Variants in CCDC68 observed in about 807,000 individuals in gnomAD.
The protein encoded by CCDC68 is coiled-coil domain containing 68, also known as coiled-coil domain-containing protein 68.
A neutral mutation model predicts 47.1 loss-of-function variants in CCDC68; 45 were observed. That is an observed-to-expected ratio of 0.96 (90% confidence interval 0.75 to 1.23). The LOEUF (loss-of-function observed/expected upper bound fraction) is 1.23. Among genes scored for constraint, CCDC68 ranks in the 50% most tolerant of loss-of-function variants. CCDC68 has a pLI of 0.00. For missense variants in CCDC68, 353 were observed against 373.6 expected (o/e 0.94, Z 0.45); for synonymous variants, 131 against 129.5 (o/e 1.01, Z -0.08).
intron 11 of CCDC68, among the ~76,000 whole-genome samples, chr18:54,906,368 T>G (rs947784288): frequency 2.6e-5 from 4 of 152,194 alleles, no homozygotes; most frequent in Non-Finnish European, 5.9e-5. Context: ...CTTTAACTAT[T>G]AATTAGTTAA....
intron 8 of CCDC68, 111 bp from the exon 9 acceptor site, chr18:54,919,487 G>A: frequency 1.1e-6 from 1 of 884,840 alleles, no homozygotes; most frequent in Non-Finnish European, 1.8e-6. Context: ...GGGATCAGTT[G>A]GGTAAGACCC....
chr18:54,948,040 T>C (rs1313018526), intron 1 of CCDC68, among the ~76,000 whole-genome samples: 2 of 152,212 alleles, frequency 1.3e-5, no homozygotes, highest in Non-Finnish European at 2.9e-5. Flanking sequence ...CTCTGGTTAA[T>C]GACATGAGAA....
Position 54,902,909 on chromosome 18 carries a change from T to TG in CCDC68, c.*1448dup, listed in dbSNP as rs1391752347. On this transcript the variant is annotated 3_prime_UTR_variant, in exon 12 of 12. Coordinates refer to ENST00000591504, the MANE Select transcript of CCDC68 (RefSeq NM_025214.3). ...AGGAATAATCTGCTTCTGAGGGCCT[T>TG]GGGGAAGATAAAATAAATTAATACA... is the stretch of plus-strand genomic sequence containing the variant. 1 of 152,202 alleles carries TG rather than the reference T, an allele frequency of 6.6e-6. No homozygotes were observed. Among genetic ancestry groups the TG allele is most frequent in the African/African-American group, 2.4e-5 (1 of 41,462 alleles). The allele number at this position is 152,202 out of a possible 1,614,324, so 9.4% of individuals were successfully genotyped here.
At chr18:54,936,056 T>C (rs2044336948) in intron 6 of CCDC68, among the ~76,000 whole-genome samples, 1 of 148,646 alleles carries the variant, frequency 6.7e-6, no homozygotes, top group African/African-American at 2.4e-5. Flanking sequence ...TATTTACATA[T>C]TAAAATATAA....
At chr18:54,906,572 G>A (rs1290094528) in intron 11 of CCDC68, among the ~76,000 whole-genome samples, 1 of 152,128 alleles carries the variant, frequency 6.6e-6, no homozygotes, top group Non-Finnish European at 1.5e-5. Flanking sequence ...TGGCCATAGT[G>A]CTTCACCATC....
chr18:54,919,245 A>C, intron 9 of CCDC68, 26 bp downstream of exon 9: 1 of 1,563,846 alleles, frequency 6.4e-7, no homozygotes, highest in Non-Finnish European at 8.8e-7. Context: ...ACTGTCTACC[A>C]GATAAATACA....
At chr18:54,909,950 C>T (rs1255885462) in intron 10 of CCDC68, among the ~76,000 whole-genome samples, 1 of 152,254 alleles carries the variant, frequency 6.6e-6, no homozygotes, top group African/African-American at 2.4e-5. Context: ...CATGTCTCAG[C>T]CCTGTTTGTG....
intron 1 of CCDC68, among the ~76,000 whole-genome samples, chr18:54,953,931 A>G (rs2044663788): frequency 6.6e-6 from 1 of 150,908 alleles, no homozygotes; most frequent in South Asian, 2.1e-4. Context: ...TGGATCGATG[A>G]TGAAAATATC....
At chr18:54,952,055 C>T (rs1469839583) in intron 1 of CCDC68, among the ~76,000 whole-genome samples, 1 of 152,206 alleles carries the variant, frequency 6.6e-6, no homozygotes, top group African/African-American at 2.4e-5. Flanking sequence ...TTTATACTCA[C>T]AACTTATTGT....
chr18:54,949,742 G>C (rs1310831879), intron 1 of CCDC68, among the ~76,000 whole-genome samples: 1 of 152,162 alleles, frequency 6.6e-6, no homozygotes, highest in East Asian at 1.9e-4. Context: ...TCACTCCCTG[G>C]AGCTGGGGCA....
chr18:54,943,546 A>G (rs944972361), intron 2 of CCDC68, among the ~76,000 whole-genome samples: 2 of 152,222 alleles, frequency 1.3e-5, no homozygotes, highest in Non-Finnish European at 2.9e-5. Flanking sequence ...ACAAATAAAT[A>G]TATCTGTATA....
At position 54,904,209 on chromosome 18, in the gene CCDC68, A is replaced by G; in HGVS notation, c.*149T>C. 1.6e-6 allele frequency: 1 copy of G among 609,860 alleles called. No individual in the cohort carries two copies. Among genetic ancestry groups the G allele is most frequent in the Non-Finnish European group, 2.9e-6 (1 of 342,978 alleles). 37.8% of individuals were successfully genotyped at this position (609,860 alleles called of 1,614,324 possible). A position where few individuals can be genotyped will look rare whatever the true frequency, so the allele number is the denominator to read the frequency against. On this transcript the variant is annotated 3_prime_UTR_variant, in exon 12 of 12. Transcript: ENST00000591504. Reference sequence around the variant, plus strand: ...AAATATAGATTTGTTTGATTTTCTGAAATGTCATCTTCTTGCAAAGCCATT... The same window carrying G: ...AAATATAGATTTGTTTGATTTTCTGGAATGTCATCTTCTTGCAAAGCCATT...
At chr18:54,905,408 A>AGG (rs1913936495) in intron 11 of CCDC68, among the ~76,000 whole-genome samples, 4 of 118,244 alleles carry the variant, frequency 3.4e-5, no homozygotes, top group African/African-American at 9.1e-5. Flanking sequence ...AAAGGAAGGG[A>AGG]AGAAGGAAGG....
chr18:54,940,098 C>A (rs1397451319), intron 4 of CCDC68, among the ~76,000 whole-genome samples: 2 of 152,116 alleles, frequency 1.3e-5, no homozygotes, highest in Admixed American at 6.5e-5. Context: ...GTCCTTAGAT[C>A]TTCTCTCATT....
chr18:54,905,292 G>C (rs925550409), intron 11 of CCDC68, among the ~76,000 whole-genome samples: 1 of 150,090 alleles, frequency 6.7e-6, no homozygotes, highest in African/African-American at 2.5e-5. Flanking sequence ...GTGGAGGGGA[G>C]GGGAGGGACT....
At chr18:54,934,183 G>A (rs1282369704) in intron 7 of CCDC68, among the ~76,000 whole-genome samples, 1 of 152,078 alleles carries the variant, frequency 6.6e-6, no homozygotes, top group Non-Finnish European at 1.5e-5. Context: ...TAAATTCTAT[G>A]GCATACATAC....
At chr18:54,906,200 T>A (rs540924114) in intron 11 of CCDC68, among the ~76,000 whole-genome samples, 1 of 151,952 alleles carries the variant, frequency 6.6e-6, no homozygotes, top group Non-Finnish European at 1.5e-5. Flanking sequence ...TCCAAAAAGG[T>A]TGGGGACTGC....
intron 3 of CCDC68, among the ~76,000 whole-genome samples, chr18:54,942,082 G>A (rs1474330936): frequency 1.3e-5 from 2 of 152,218 alleles, no homozygotes; most frequent in Non-Finnish European, 2.9e-5. Flanking sequence ...ACAGGCATGA[G>A]CCACTGCACC....
chr18:54,949,417 A>T (rs1217755730), intron 1 of CCDC68, among the ~76,000 whole-genome samples: 5 of 152,154 alleles, frequency 3.3e-5, no homozygotes, highest in Non-Finnish European at 5.9e-5. Context: ...TTGCCTAAGG[A>T]GTTGTCTCCT....
Sources: gnomAD v4.1 joint callset for allele counts (sites outside exome capture counted in the v4.1 genomes callset) on GRCh38, gnomAD v4.1.1 for gene constraint, MANE v1.5 for transcripts, NCBI Gene and HGNC (gene_info 2026-07-23, HGNC 2026-07-21) for gene names.